Variants in PCYT1B observed in about 807,000 individuals in gnomAD.
PCYT1B encodes the protein choline-phosphate cytidylyltransferase B.
In PCYT1B, 10 loss-of-function variants were observed where a neutral mutation model predicts 26.4. That is an observed-to-expected ratio of 0.38 (90% CI 0.23 to 0.64). PCYT1B has a LOEUF of 0.64. Ranked by LOEUF, PCYT1B falls within the 30% of genes least tolerant of loss-of-function variation. The pLI, the probability that PCYT1B is intolerant of heterozygous loss-of-function variation, is 0.56. For synonymous variants in PCYT1B, 131 were observed against 108.4 expected (o/e 1.21, Z -1.29); for missense variants, 161 against 292.7 (o/e 0.55, Z 3.28).
At chrX:24,603,723 CA>C (rs1228887830) in intron 3 of PCYT1B, among the ~76,000 whole-genome samples, 34 of 98,818 alleles carry the variant, frequency 3.4e-4, no homozygotes, top group South Asian at 4.5e-4. Context: ...ACCCTATCTC[CA>C]AAAAAAAAAA....
intron 1 of PCYT1B, among the ~76,000 whole-genome samples, chrX:24,667,725 A>C (rs1312840925): frequency 1.8e-5 from 2 of 111,329 alleles, no homozygotes; most frequent in Non-Finnish European, 3.8e-5. Context: ...TCAAAAAAAA[A>C]AAGGTAAAAA....
intron 1 of PCYT1B, among the ~76,000 whole-genome samples, chrX:24,659,416 G>A (rs1926986129): frequency 9.0e-6 from 1 of 110,740 alleles, no homozygotes; most frequent in Non-Finnish European, 1.9e-5. Context: ...AAACAGAAGT[G>A]GCCTCACCAG....
upstream of PCYT1B, chrX:24,672,688 T>C: frequency 1.0e-6 from 1 of 972,382 alleles, no homozygotes. Context: ...GGAGTTCTTT[T>C]GAGTCACAGG....
chrX:24,667,653 G>A (rs1927155190), intron 1 of PCYT1B, among the ~76,000 whole-genome samples: 1 of 109,318 alleles, frequency 9.1e-6, no homozygotes, highest in African/African-American at 3.3e-5. Flanking sequence ...GGAGATGGAG[G>A]TTGCAGTGAG....
intron 1 of PCYT1B, among the ~76,000 whole-genome samples, chrX:24,656,129 CAAAAA>C (rs34397973): frequency 5.1e-4 from 3 of 5,933 alleles, no homozygotes; most frequent in Non-Finnish European, 2.5e-4. Flanking sequence ...AACTCCATCT[CAAAAA>C]AAAAAAAAAA....
At chrX:24,573,955 A>G (rs1042872156) in intron 7 of PCYT1B, among the ~76,000 whole-genome samples, 1 of 111,205 alleles carries the variant, frequency 9.0e-6, no homozygotes, top group Non-Finnish European at 1.9e-5. Flanking sequence ...ACCCACGTCT[A>G]TAATCACTTA....
At chrX:24,648,807 A>G (rs1306777155), upstream of PCYT1B, among the ~76,000 whole-genome samples, 1 of 110,957 alleles carries the variant, frequency 9.0e-6, no homozygotes, top group African/African-American at 3.3e-5. Context: ...ATACTTTGAG[A>G]ATCAGTAGCC....
Position 24,592,398 on chromosome X carries a change from CCTT to C in PCYT1B, c.335-2227_335-2225del, listed in dbSNP as rs770819027. ...AGTCACACTCAGCATCCTTGGAAAA[CCTT>C]CTTTTGTAGTCCCTTCACATAATCC... On this transcript the variant is annotated intron_variant, in intron 3 of 7. Coordinates refer to ENST00000379144, the MANE Select transcript of PCYT1B (RefSeq NM_004845.5). Among the ~76,000 whole-genome samples, 462 of 111,414 alleles carry C rather than the reference CCTT, an allele frequency of 4.1e-3. 2 individuals are homozygous for C. Among genetic ancestry groups the C allele is most frequent in the African/African-American group, 0.014 (440 of 30,619 alleles).
intron 7 of PCYT1B, among the ~76,000 whole-genome samples, chrX:24,564,453 C>T (rs1010776779): frequency 5.5e-5 from 6 of 108,404 alleles, no homozygotes; most frequent in African/African-American, 2.0e-4. Context: ...CCCGGGTTCA[C>T]GCCATTCTCC....
At chrX:24,600,070 T>G (rs984215401) in intron 3 of PCYT1B, among the ~76,000 whole-genome samples, 1 of 110,154 alleles carries the variant, frequency 9.1e-6, no homozygotes, top group East Asian at 2.8e-4. Context: ...TGGCTAGTAT[T>G]TTTGTATTTT....
chrX:24,665,645 G>A (rs1330208514), intron 1 of PCYT1B, among the ~76,000 whole-genome samples: 1 of 111,459 alleles, frequency 9.0e-6, no homozygotes, highest in Non-Finnish European at 1.9e-5. Flanking sequence ...AGGGTAAGAA[G>A]ACTTCTACTG....
At chrX:24,666,640 A>T (rs1176556455) in intron 1 of PCYT1B, among the ~76,000 whole-genome samples, 1 of 108,615 alleles carries the variant, frequency 9.2e-6, no homozygotes, top group African/African-American at 3.4e-5. Flanking sequence ...TGTGTGTGAG[A>T]GCGAGAGAGA....
At chrX:24,644,471 C>CAG (rs1431601069) in intron 1 of PCYT1B, among the ~76,000 whole-genome samples, 1 of 110,051 alleles carries the variant, frequency 9.1e-6, no homozygotes, top group Non-Finnish European at 1.9e-5. Context: ...CACACACACA[C>CAG]ACACACACAC....
chrX:24,642,739 C>T (rs956134830), intron 1 of PCYT1B, among the ~76,000 whole-genome samples: 8 of 111,545 alleles, frequency 7.2e-5, no homozygotes, highest in African/African-American at 2.0e-4. Flanking sequence ...GCCAATATTG[C>T]GCATTAAGAG....
At chrX:24,656,901 A>G (rs1926934331) in intron 1 of PCYT1B, among the ~76,000 whole-genome samples, 1 of 111,393 alleles carries the variant, frequency 9.0e-6, no homozygotes, top group African/African-American at 3.3e-5. Context: ...CTTAAAAGAG[A>G]TATTTTTAAA....
intron 1 of PCYT1B, among the ~76,000 whole-genome samples, chrX:24,665,413 C>G (rs1217666083): frequency 9.1e-6 from 1 of 110,362 alleles, no homozygotes; most frequent in African/African-American, 3.3e-5. Context: ...GCCTCAGCCC[C>G]CTGAGTAGCT....
At chrX:24,671,333 G>C (rs1405330508) in intron 1 of PCYT1B, among the ~76,000 whole-genome samples, 2 of 65,416 alleles carry the variant, frequency 3.1e-5, no homozygotes, top group African/African-American at 6.5e-5. Context: ...ATGAATGAAT[G>C]AATGAATGAA....
chrX:24,613,153 C>G (rs1390058532), intron 2 of PCYT1B, among the ~76,000 whole-genome samples: 1 of 111,616 alleles, frequency 9.0e-6, no homozygotes, highest in Non-Finnish European at 1.9e-5. Flanking sequence ...TTTCTTCTAC[C>G]TTGTTGGTAC....
rs199704520 is a variant in PCYT1B, at chrX:24,559,429, G to C, written c.*2864C>G. On this transcript the variant is annotated 3_prime_UTR_variant, in exon 8 of 8. Transcript: ENST00000379144. ...AAAGAGGAAAGAAAAAGAGAAAGAA[G>C]AAAGAAAAAGAAAGAGAGAGAGAGA... The C allele has an allele frequency of 2.9e-5, 1 of 34,175 alleles. No individual in the cohort carries two copies. The highest frequency in any genetic ancestry group is 7.5e-5 in the African/African-American group (1 of 13,352). The allele number at this position is 34,175 out of a possible 1,213,427, so 2.8% of individuals were successfully genotyped here.
Sources: gnomAD v4.1 joint callset for allele counts (sites outside exome capture counted in the v4.1 genomes callset) on GRCh38, gnomAD v4.1.1 for gene constraint, MANE v1.5 for transcripts, NCBI Gene and HGNC (gene_info 2026-07-23, HGNC 2026-07-21) for gene names.